GSE1: variants seen among roughly 807,000 people sequenced by gnomAD.
GSE1 encodes Gse1 coiled-coil protein.
GSE1 carries 32 observed loss-of-function variants against 112.6 expected under a neutral mutation model. That is an observed-to-expected ratio of 0.28 (90% CI 0.21 to 0.38). The LOEUF (loss-of-function observed/expected upper bound fraction) is 0.38, where lower values mean the gene tolerates loss of function less well. Among genes scored for constraint, GSE1 ranks in the 10% least tolerant of loss-of-function variants. The pLI, the probability that GSE1 is intolerant of heterozygous loss-of-function variation, is 1.00. For missense variants in GSE1, 2,348 were observed against 1,699.2 expected (o/e 1.38, Z -6.71); for synonymous variants, 1,115 against 735.6 (o/e 1.52, Z -8.35).
At chr16:85,664,310 C>A (rs139906798) in intron 11 of GSE1, among the ~76,000 whole-genome samples, 3 of 152,324 alleles carry the variant, frequency 2.0e-5, no homozygotes, top group African/African-American at 7.2e-5. Context: ...GGGAGAAAGT[C>A]GAAGGAAAGC....
At chr16:85,193,547 C>A (rs2074868654) in intron 1 of GSE1, among the ~76,000 whole-genome samples, 1 of 152,140 alleles carries the variant, frequency 6.6e-6, no homozygotes. Flanking sequence ...GCAACCTCCG[C>A]CTCCCGGGTT....
At chr16:85,201,010 C>T (rs904008659) in intron 1 of GSE1, among the ~76,000 whole-genome samples, 3 of 152,126 alleles carry the variant, frequency 2.0e-5, no homozygotes, top group African/African-American at 7.2e-5. Context: ...CAGAACGAAG[C>T]AGTATTGGTT....
chr16:85,303,546 C>A (rs138846212), intron 1 of GSE1, among the ~76,000 whole-genome samples: 1 of 152,382 alleles, frequency 6.6e-6, no homozygotes, highest in Non-Finnish European at 1.5e-5. Context: ...ATTGGACCTT[C>A]CCGACAACTG....
At chr16:85,440,175 G>A (rs948903126) in intron 2 of GSE1, among the ~76,000 whole-genome samples, 13 of 152,222 alleles carry the variant, frequency 8.5e-5, no homozygotes, top group African/African-American at 2.7e-4. Context: ...GGCTCGAACC[G>A]TGTCTTGACT....
chr16:85,632,365 C>G (rs115426474), intron 1 of GSE1, among the ~76,000 whole-genome samples: 6 of 152,160 alleles, frequency 3.9e-5, no homozygotes, highest in African/African-American at 1.4e-4. Flanking sequence ...GCAGCCCCCT[C>G]TCTCAGGCAG....
chr16:85,650,209 C>A (rs1212030840), intron 3 of GSE1, among the ~76,000 whole-genome samples: 1 of 152,154 alleles, frequency 6.6e-6, no homozygotes, highest in Non-Finnish European at 1.5e-5. Flanking sequence ...TGGAGCAGCC[C>A]AAGGCGGCCC....
At chr16:85,460,976 G>A (rs79629028) in intron 2 of GSE1, among the ~76,000 whole-genome samples, 1 of 152,324 alleles carries the variant, frequency 6.6e-6, no homozygotes, top group South Asian at 2.1e-4. Context: ...GGAAGCAATT[G>A]TAACAGTCAC....
intron 1 of GSE1, among the ~76,000 whole-genome samples, chr16:85,354,118 A>G (rs558579771): frequency 6.6e-6 from 1 of 152,308 alleles, no homozygotes; most frequent in East Asian, 1.9e-4. Context: ...GGATTTCCTC[A>G]GACCTTGGGG....
chr16:85,449,930 C>T (rs1407094503), intron 2 of GSE1, among the ~76,000 whole-genome samples: 1 of 152,196 alleles, frequency 6.6e-6, no homozygotes, highest in Non-Finnish European at 1.5e-5. Flanking sequence ...CTTCCTGCCA[C>T]ACCATGCCCA....
At chr16:85,459,888 TC>T (rs2049926224) in intron 2 of GSE1, among the ~76,000 whole-genome samples, 1 of 152,198 alleles carries the variant, frequency 6.6e-6, no homozygotes, top group Non-Finnish European at 1.5e-5. Context: ...GCTGAGCGAT[TC>T]CCCCAGCTCA....
At chr16:85,554,105 G>C (rs952417274), upstream of GSE1, among the ~76,000 whole-genome samples, 8 of 152,056 alleles carry the variant, frequency 5.3e-5, no homozygotes, top group Admixed American at 1.3e-4. Flanking sequence ...GGAGGTAAAA[G>C]GGCTTGAAAA....
chr16:85,445,207 C>T (rs2049479147), intron 2 of GSE1, among the ~76,000 whole-genome samples: 1 of 152,216 alleles, frequency 6.6e-6, no homozygotes, highest in South Asian at 2.1e-4. Context: ...GGGCCCCTTG[C>T]TGCTTGCTCT....
intron 1 of GSE1, among the ~76,000 whole-genome samples, chr16:85,293,338 GA>G (rs939471664): frequency 1.7e-4 from 26 of 152,224 alleles, no homozygotes; most frequent in African/African-American, 6.3e-4. Context: ...TTGAACTCAG[GA>G]GTTTGAGACC....
At chr16:85,354,897 C>T (rs550257355) in intron 1 of GSE1, among the ~76,000 whole-genome samples, 1 of 152,226 alleles carries the variant, frequency 6.6e-6, no homozygotes, top group African/African-American at 2.4e-5. Context: ...GGGTGGGAAC[C>T]ACCTTGGTAC....
At chr16:85,185,209 C>G (rs1169200898) in intron 1 of GSE1, 1 of 152,290 alleles carries the variant, frequency 6.6e-6, no homozygotes, top group Non-Finnish European at 1.5e-5. Flanking sequence ...TTATTCACAT[C>G]TGGACACTGA....
intron 2 of GSE1, among the ~76,000 whole-genome samples, chr16:85,396,550 C>A (rs2047970047): frequency 6.6e-6 from 1 of 152,252 alleles, no homozygotes. Flanking sequence ...TGGCCACTGC[C>A]AGAGGCAGCT....
intron 1 of GSE1, chr16:85,185,013 A>G (rs945647539): frequency 6.6e-6 from 1 of 152,226 alleles, no homozygotes; most frequent in Non-Finnish European, 1.5e-5. Context: ...TTGCTAAGAA[A>G]AGAGTGCTGA....
At chr16:85,355,213 T>G (rs1031983187) in intron 1 of GSE1, among the ~76,000 whole-genome samples, 2 of 151,562 alleles carry the variant, frequency 1.3e-5, no homozygotes, top group African/African-American at 4.9e-5. Flanking sequence ...TTTATAGCAC[T>G]AATCCCTAAA....
At chr16:85,602,709 C>T (rs2047519980) in intron 1 of GSE1, among the ~76,000 whole-genome samples, 1 of 152,240 alleles carries the variant, frequency 6.6e-6, no homozygotes, top group Admixed American at 6.5e-5. Flanking sequence ...AGCCTGAGGA[C>T]AGCCGGTTGA....
Sources: allele counts gnomAD v4.1 joint callset (sites outside exome capture counted in the v4.1 genomes callset), GRCh38; gene constraint gnomAD v4.1.1; transcripts MANE v1.5; gene names NCBI Gene and HGNC (gene_info 2026-07-23, HGNC 2026-07-21).